The following VDAC2 variants were observed in gnomAD, a reference collection of about 807,000 sequenced individuals.
VDAC2 encodes the protein non-selective voltage-gated ion channel VDAC2.
Under a neutral mutation model 36.6 loss-of-function variants are expected in VDAC2, and 6 were observed. The ratio of observed to expected loss-of-function variants is 0.16; its 90% CI spans 0.09 to 0.32. The LOEUF is 0.32. Ranked by LOEUF, VDAC2 falls within the 10% of genes least tolerant of loss-of-function variation. The pLI, the probability that VDAC2 is intolerant of heterozygous loss-of-function variation, is 1.00. For missense variants in VDAC2, 247 were observed against 346.0 expected (o/e 0.71, Z 2.27); for synonymous variants, 109 against 123.8 (o/e 0.88, Z 0.79).
chr10:75,218,115 C>T (rs893703913), intron 4 of VDAC2: 3 of 369,900 alleles, frequency 8.1e-6, no homozygotes, highest in African/African-American at 2.1e-5. Flanking sequence ...TTCAGATAAG[C>T]CCTCCGTATT....
chr10:75,216,448 C>T (rs991588456), intron 4 of VDAC2, among the ~76,000 whole-genome samples: 1 of 152,182 alleles, frequency 6.6e-6, no homozygotes, highest in East Asian at 1.9e-4. Flanking sequence ...TTAGATATAG[C>T]ATGTTTTTAT....
intron 8 of VDAC2, among the ~76,000 whole-genome samples, chr10:75,222,979 C>CTTTGTCT (rs1841858729): frequency 7.2e-6 from 1 of 138,000 alleles, no homozygotes; most frequent in Non-Finnish European, 1.6e-5. Flanking sequence ...ATCACTTTGT[C>CTTTGTCT]TTTTTTTTTT....
chr10:75,229,514 CATA>C (rs1342966123), intron 8 of VDAC2, 127 bp from the exon 9 acceptor site: 2 of 672,454 alleles, frequency 3.0e-6, no homozygotes, highest in Non-Finnish European at 4.9e-6. Context: ...TGGCTTAATA[CATA>C]ATATTGAATT....
At chr10:75,228,545 G>T (rs1842023362) in intron 8 of VDAC2, among the ~76,000 whole-genome samples, 1 of 152,240 alleles carries the variant, frequency 6.6e-6, no homozygotes. Context: ...GTCAGCCACT[G>T]CGCCAGGCCT....
intron 8 of VDAC2, among the ~76,000 whole-genome samples, chr10:75,226,241 G>T (rs556454786): frequency 2.6e-5 from 4 of 150,944 alleles, no homozygotes; most frequent in African/African-American, 7.4e-5. Context: ...TTGCTGTAAG[G>T]GATCCCTGTT....
At chr10:75,221,525 G>C (rs1273992621) in intron 7 of VDAC2, among the ~76,000 whole-genome samples, 2 of 152,086 alleles carry the variant, frequency 1.3e-5, no homozygotes, top group African/African-American at 4.8e-5. Context: ...TAGAGACGGG[G>C]TTTCACCATG....
intron 2 of VDAC2, chr10:75,211,611 C>T (rs1471272779): frequency 5.2e-6 from 8 of 1,550,440 alleles, no homozygotes; most frequent in Non-Finnish European, 7.0e-6. Context: ...GCTCAGATTG[C>T]CTGCCCTTAA....
intron 4 of VDAC2, among the ~76,000 whole-genome samples, chr10:75,216,422 A>T (rs1000198036): frequency 5.3e-5 from 8 of 152,210 alleles, no homozygotes; most frequent in African/African-American, 1.9e-4. Flanking sequence ...AGCATGAAGG[A>T]TATGTAGGAG....
intron 6 of VDAC2, 97 bp downstream of exon 6, chr10:75,219,453 C>G: frequency 9.5e-7 from 1 of 1,048,638 alleles, no homozygotes; most frequent in South Asian, 1.6e-5. Flanking sequence ...GCTTATTAAG[C>G]TACCTTGTGG....
At chr10:75,212,808 G>T (rs1387516100) in intron 3 of VDAC2, among the ~76,000 whole-genome samples, 1 of 152,012 alleles carries the variant, frequency 6.6e-6, no homozygotes, top group African/African-American at 2.4e-5. Context: ...TTTAAAAACT[G>T]TACTTAGAAG....
chr10:75,221,351 T>C lies in VDAC2; in HGVS notation c.584+381T>C, dbSNP rs1205382562. 2.0e-5 allele frequency among the ~76,000 whole-genome samples: 3 copies of C among 152,294 alleles called. No individual in the cohort carries two copies. In the East Asian group the frequency reaches 5.8e-4, roughly 29 times the overall value. On this transcript the variant is annotated intron_variant, in intron 7 of 9. Transcript: ENST00000332211. ...TGGGTTTTTTTTTCTTTTTCTTTTT[T>C]CTTTCTTTTTTTGTTTTGGTTCAGA...
At chr10:75,214,969 A>G (rs780363102) in intron 4 of VDAC2, among the ~76,000 whole-genome samples, 1 of 152,326 alleles carries the variant, frequency 6.6e-6, no homozygotes, top group Admixed American at 6.5e-5. Context: ...CAGTGAGTGC[A>G]GTGGCACAAT....
chr10:75,227,370 C>T (rs987191681), intron 8 of VDAC2, among the ~76,000 whole-genome samples: 1 of 152,052 alleles, frequency 6.6e-6, no homozygotes, highest in Non-Finnish European at 1.5e-5. Context: ...GAGCCCTGAA[C>T]CTGTGTGATC....
At chr10:75,210,207 AC>A (rs934226398), upstream of VDAC2, 1 of 152,598 alleles carries the variant, frequency 6.6e-6, no homozygotes, top group African/African-American at 2.4e-5. Flanking sequence ...AGGCAGTCAC[AC>A]CAAGGTGGGA....
At chr10:75,225,691 A>G (rs573792481) in intron 8 of VDAC2, among the ~76,000 whole-genome samples, 2 of 152,214 alleles carry the variant, frequency 1.3e-5, no homozygotes, top group Non-Finnish European at 2.9e-5. Flanking sequence ...TCCTGTGACT[A>G]AAGTCTCATT....
Position 75,215,734 on chromosome 10 carries a change from T to C in VDAC2, c.150+1664T>C, listed in dbSNP as rs567976610. 5.6e-4 allele frequency among the ~76,000 whole-genome samples: 82 copies of C among 147,626 alleles called. 1 individual carries two copies. The East Asian group carries it at 6.3e-3, about 11-fold the overall frequency. On this transcript the variant is annotated intron_variant, in intron 4 of 9. Transcript: ENST00000332211. ...TTTTTTTGTTTTGTTTTTTTTTTTTTCCTCTGAGACGCAGTCTTGCTCTGT... is the reference window on the plus strand; with the variant it reads ...TTTTTTTGTTTTGTTTTTTTTTTTTCCCTCTGAGACGCAGTCTTGCTCTGT...
In VDAC2 at chr10:75,212,341, A is replaced by G. The variant is rs200404029; in HGVS notation, c.100+43A>G. 15 of 1,549,658 alleles carry G rather than the reference A, an allele frequency of 9.7e-6. No individual in the cohort carries two copies. The East Asian group carries it at 3.4e-4, about 35-fold the overall frequency. On this transcript the variant is annotated intron_variant, in intron 3 of 9. Coordinates refer to ENST00000332211, the MANE Select transcript of VDAC2 (RefSeq NM_001391963.1). ...AAAACGTTTTAGATAAAGAGTGAAA[A>G]TGTATGTTTGGGTTGCTTAGCGAAA...
intron 8 of VDAC2, among the ~76,000 whole-genome samples, chr10:75,227,577 A>ATTTTTT (rs35378957): frequency 0.033 from 3,254 of 99,610 alleles, 98 homozygotes; most frequent in East Asian, 0.095. Context: ...AATAATAGGA[A>ATTTTTT]TTTTTTTTTT....
chr10:75,229,161 A>AT (rs34928002), intron 8 of VDAC2: 11,121 of 145,478 alleles, frequency 0.076, 533 homozygotes, highest in African/African-American at 0.13. Context: ...TCGTTTGGAG[A>AT]TTTTTTTTTT....
Sources: allele counts gnomAD v4.1 joint callset (sites outside exome capture counted in the v4.1 genomes callset), GRCh38; gene constraint gnomAD v4.1.1; transcripts MANE v1.5; gene names NCBI Gene and HGNC (gene_info 2026-07-23, HGNC 2026-07-21).